Variants in DSTN observed in about 807,000 individuals in gnomAD.
DSTN encodes destrin.
DSTN carries 10 observed loss-of-function variants against 16.8 expected under a neutral mutation model. The observed-to-expected ratio is 0.60, with a 90% CI of 0.37 to 1.01. DSTN has a LOEUF of 1.01. Among genes scored for constraint, DSTN ranks in the 50% least tolerant of loss-of-function variants. The pLI is 0.01. For synonymous variants in DSTN, 57 were observed against 58.9 expected (o/e 0.97, Z 0.14); for missense variants, 141 against 196.7 (o/e 0.72, Z 1.69).
chr20:17,585,156 G>A (rs1459979879), intron 1 of DSTN, among the ~76,000 whole-genome samples: 1 of 152,162 alleles, frequency 6.6e-6, no homozygotes, highest in Non-Finnish European at 1.5e-5. Flanking sequence ...AGACAAATCT[G>A]GAAAAGTAGG....
chr20:17,582,240 C>G (rs1036748427), intron 1 of DSTN, among the ~76,000 whole-genome samples: 2 of 151,884 alleles, frequency 1.3e-5, no homozygotes, highest in Admixed American at 6.6e-5. Flanking sequence ...CACCACGCCT[C>G]GCTAATTTTT....
intron 1 of DSTN, among the ~76,000 whole-genome samples, chr20:17,585,682 T>C (rs1435847349): frequency 6.6e-6 from 1 of 152,144 alleles, no homozygotes; most frequent in Non-Finnish European, 1.5e-5. Flanking sequence ...CATACACATA[T>C]ATAGTTGTGT....
chr20:17,596,139 T>C lies in DSTN; in HGVS notation c.4-4599T>C, dbSNP rs116548813. On this transcript the variant is annotated intron_variant, in intron 1 of 3. Coordinates refer to ENST00000246069, the MANE Select transcript of DSTN (RefSeq NM_006870.4). ...GTTGATGACTTTCCTCCTCAAAATA[T>C]TCTCCCTTGCTTCTAAGATGCTGCT... Among the ~76,000 whole-genome samples the C allele has an allele frequency of 5.4e-3, 820 of 152,338 alleles. 5 individuals are homozygous for C. Among genetic ancestry groups the C allele is most frequent in the African/African-American group, 0.019 (774 of 41,566 alleles).
At position 17,576,081 on chromosome 20, in the gene DSTN, C is replaced by T. The variant is rs540115871; in HGVS notation, c.3+5870C>T. On this transcript the variant is annotated intron_variant, in intron 1 of 3. Coordinates refer to ENST00000246069, the MANE Select transcript of DSTN (RefSeq NM_006870.4). ...GGCATAGACTTAGACAAATAAACAT[C>T]GGTTTTATTCATCTCAGTAATACTT... 6 of 152,216 alleles carry T rather than the reference C, an allele frequency of 3.9e-5. No homozygotes were observed. The East Asian group carries it at 7.7e-4, about 20-fold the overall frequency. The allele number at this position is 152,216 out of a possible 1,614,324, so 9.4% of individuals were successfully genotyped here.
At position 17,576,319 on chromosome 20, in the gene DSTN, T is replaced by A. The variant is rs1477753460; in HGVS notation, c.3+6108T>A. The A allele has an allele frequency of 1.9e-5, 3 of 153,910 alleles. No homozygotes were observed. The East Asian group carries it at 5.8e-4, about 30-fold the overall frequency. The allele number at this position is 153,910 out of a possible 1,614,324, so 9.5% of individuals were successfully genotyped here. A position where few individuals can be genotyped will look rare whatever the true frequency, so the allele number is the denominator to read the frequency against. ...TAGCAGGGGAGCGCAGCTGCTCATA[T>A]AACCTTGACCAAAGACCGGTTCTCC... On this transcript the variant is annotated intron_variant, in intron 1 of 3. Transcript: ENST00000246069.
chr20:17,588,944 G>A (rs2035441549), intron 1 of DSTN, among the ~76,000 whole-genome samples: 1 of 152,084 alleles, frequency 6.6e-6, no homozygotes, highest in African/African-American at 2.4e-5. Context: ...TGTATCCTCT[G>A]ACTACTCCAG....
At chr20:17,584,522 C>A (rs1214233128) in intron 1 of DSTN, among the ~76,000 whole-genome samples, 2 of 151,984 alleles carry the variant, frequency 1.3e-5, no homozygotes, top group African/African-American at 2.4e-5. Flanking sequence ...CGTGTTGGCG[C>A]ATGCCTGTAA....
chr20:17,594,185 T>C (rs920218368), intron 1 of DSTN, among the ~76,000 whole-genome samples: 5 of 152,172 alleles, frequency 3.3e-5, no homozygotes, highest in African/African-American at 9.7e-5. Flanking sequence ...ATCAGATTCA[T>C]GTTTATGTAG....
At chr20:17,595,785 GTCT>G (rs2035520537) in intron 1 of DSTN, among the ~76,000 whole-genome samples, 2 of 152,164 alleles carry the variant, frequency 1.3e-5, no homozygotes, top group Admixed American at 1.3e-4. Context: ...ATTTAGAAGT[GTCT>G]AGCAATAGTA....
intron 1 of DSTN, among the ~76,000 whole-genome samples, chr20:17,580,835 A>G (rs2035335486): frequency 6.6e-6 from 1 of 152,156 alleles, no homozygotes; most frequent in Non-Finnish European, 1.5e-5. Context: ...TAGGACTTAC[A>G]TGGCAATAAA....
chr20:17,599,644 A>AG (rs1226921752), intron 1 of DSTN: 2 of 152,272 alleles, frequency 1.3e-5, no homozygotes, highest in East Asian at 3.8e-4. Flanking sequence ...GGTGTCCCAC[A>AG]GGTTCAGGCT....
At chr20:17,595,613 C>T (rs1049058865) in intron 1 of DSTN, among the ~76,000 whole-genome samples, 1 of 151,274 alleles carries the variant, frequency 6.6e-6, no homozygotes, top group African/African-American at 2.4e-5. Context: ...GAGCGAACGT[C>T]CATCTGGAAA....
intron 1 of DSTN, among the ~76,000 whole-genome samples, chr20:17,582,077 A>G (rs1019639350): frequency 7.9e-6 from 1 of 126,734 alleles, no homozygotes; most frequent in Non-Finnish European, 1.6e-5. Flanking sequence ...TGAAATATAC[A>G]TTTTTTTTTT....
intron 1 of DSTN, among the ~76,000 whole-genome samples, chr20:17,592,949 CTCT>C (rs753097475): frequency 6.6e-6 from 1 of 152,182 alleles, no homozygotes; most frequent in African/African-American, 2.4e-5. Flanking sequence ...AATTTTCTTC[CTCT>C]TCTTGTTCTC....
chr20:17,592,670 G>A (rs907832757), intron 1 of DSTN, among the ~76,000 whole-genome samples: 20 of 151,940 alleles, frequency 1.3e-4, no homozygotes, highest in Non-Finnish European at 2.1e-4. Context: ...TAGTCATGAA[G>A]AGCCATACTA....
intron 1 of DSTN, among the ~76,000 whole-genome samples, chr20:17,589,810 T>G (rs1443861664): frequency 2.0e-5 from 3 of 152,232 alleles, no homozygotes; most frequent in Non-Finnish European, 2.9e-5. Context: ...GTTTGAAAAT[T>G]TGCTATTGAA....
intron 1 of DSTN, among the ~76,000 whole-genome samples, chr20:17,589,966 T>G (rs1290166073): frequency 6.6e-6 from 1 of 152,252 alleles, no homozygotes; most frequent in Non-Finnish European, 1.5e-5. Flanking sequence ...ATGTGAAGTT[T>G]AGTTGTCATT....
Position 17,607,680 on chromosome 20 carries a change from C to T in DSTN, c.*534C>T, listed in dbSNP as rs1260261006. On this transcript the variant is annotated 3_prime_UTR_variant, in exon 4 of 4. Coordinates refer to ENST00000246069, the MANE Select transcript of DSTN (RefSeq NM_006870.4). ...ATGGAGATTGCCTCAAAATTGTGTC[C>T]ACATAATCCACGCTCATCTTGCAAA... 1.3e-5 allele frequency: 2 copies of T among 152,256 alleles called. No individual in the cohort carries two copies. The highest frequency in any genetic ancestry group is 4.8e-5 in the African/African-American group (2 of 41,426). The allele number at this position is 152,256 out of a possible 1,614,324, so 9.4% of individuals were successfully genotyped here.
chr20:17,572,920 T>A (rs1198444980), intron 1 of DSTN, among the ~76,000 whole-genome samples: 1 of 152,208 alleles, frequency 6.6e-6, no homozygotes, highest in Non-Finnish European at 1.5e-5. Flanking sequence ...ATCTTCCTCA[T>A]CCCACTCCCT....
Sources: allele counts gnomAD v4.1 joint callset (sites outside exome capture counted in the v4.1 genomes callset), GRCh38; gene constraint gnomAD v4.1.1; transcripts MANE v1.5; gene names NCBI Gene and HGNC (gene_info 2026-07-23, HGNC 2026-07-21).